UBR4: variants seen among roughly 807,000 people sequenced by gnomAD.
UBR4 encodes the protein ubiquitin protein ligase E3 component n-recognin 4, also known as E3 ubiquitin-protein ligase UBR4.
In UBR4, 124 loss-of-function variants were observed where a neutral mutation model predicts 575.6. The ratio of observed to expected loss-of-function variants is 0.22; its 90% CI spans 0.19 to 0.25. The LOEUF is 0.25. Ranked by LOEUF, UBR4 falls within the 10% of genes least tolerant of loss-of-function variation. UBR4 has a pLI of 1.00. For synonymous variants in UBR4, 2,455 were observed against 2,473.7 expected, an observed-to-expected ratio of 0.99 and a Z score of 0.22; for missense variants, 4,818 against 6,478.8, an observed-to-expected ratio of 0.74 and a Z score of 8.80.
chr1:19,162,345 C>T (rs1999967), intron 35 of UBR4, 75 bp downstream of exon 35: 1 of 1,505,640 alleles, frequency 6.6e-7, no homozygotes, highest in Middle Eastern at 2.5e-4. Flanking sequence ...GGCTGGAAAA[C>T]AGAGCCAAAA....
At chr1:19,195,476 C>T (rs1477740437) in intron 8 of UBR4, among the ~76,000 whole-genome samples, 3 of 152,078 alleles carry the variant, frequency 2.0e-5, no homozygotes, top group Non-Finnish European at 4.4e-5. Context: ...TAAAGAATCT[C>T]TAGTCCTTAC....
chr1:19,153,952 A>C lies in UBR4; in HGVS notation c.6459-13T>G. The C allele has an allele frequency of 6.2e-7, 1 of 1,611,350 alleles. No individual in the cohort carries two copies. Among genetic ancestry groups the C allele is most frequent in the South Asian group, 1.1e-5 (1 of 90,584 alleles). ...GCCACCATTGGAACTGCAGACAACA[A>C]AACTGGCCACAGTTAGAGTGTCAGT... On this transcript the variant is annotated splice_polypyrimidine_tract_variant and intron_variant, in intron 44 of 105. Coordinates refer to ENST00000375254, the MANE Select transcript of UBR4 (RefSeq NM_020765.3). This position sits in a 1 kb window ranked among gnomAD's most constrained non-coding sequence, Gnocchi z 4.1.
chr1:19,160,291 A>T lies in UBR4; in HGVS notation c.5407-10T>A. The T allele has an allele frequency of 6.3e-7, 1 of 1,588,872 alleles. No homozygotes were observed. Among genetic ancestry groups the T allele is most frequent in the Non-Finnish European group, 8.6e-7 (1 of 1,169,328 alleles). ...CGAAGGAGAAATTGGCCTGAGAAAA[A>T]TAGAAAAAATACACCAGTGAAAAAA... On this transcript the variant is annotated splice_polypyrimidine_tract_variant and intron_variant, in intron 38 of 105. Transcript: ENST00000375254.
chr1:19,082,849 G>C (rs1382907735), intron 102 of UBR4, among the ~76,000 whole-genome samples: 1 of 152,150 alleles, frequency 6.6e-6, no homozygotes, highest in African/African-American at 2.4e-5. Flanking sequence ...TCTGGCTTAC[G>C]GTGGCCATGC....
intron 39 of UBR4, 78 bp downstream of exon 39, chr1:19,160,033 G>A (rs1016425521): frequency 3.9e-6 from 6 of 1,551,372 alleles, no homozygotes; most frequent in Non-Finnish European, 5.2e-6. Context: ...ACTCCTCAGA[G>A]CATCTAGCAC....
Position 19,176,787 on chromosome 1 carries a change from T to C in UBR4, c.2638-60A>G, listed in dbSNP as rs531351175. ...ACACAGTCACCATTCAGCTTTTCACTCAGGCATGATAATAGCTCGGTACAC... is the reference window on the plus strand; with the variant it reads ...ACACAGTCACCATTCAGCTTTTCACCCAGGCATGATAATAGCTCGGTACAC... On this transcript the variant is annotated intron_variant, in intron 19 of 105. Transcript: ENST00000375254. The C allele has an allele frequency of 1.0e-3, 1,623 of 1,580,626 alleles. 2 individuals are homozygous for C. The highest frequency in any genetic ancestry group is 1.2e-3 in the Non-Finnish European group (1,445 of 1,156,530).
At position 19,197,828 on chromosome 1, in the gene UBR4, C is replaced by T; in HGVS notation, c.752-17G>A. 1 of 1,613,774 alleles carries T rather than the reference C, an allele frequency of 6.2e-7. No individual in the cohort carries two copies. The highest frequency in any genetic ancestry group is 8.5e-7 in the Non-Finnish European group (1 of 1,179,842). On this transcript the variant is annotated splice_polypyrimidine_tract_variant and intron_variant, in intron 6 of 105. Coordinates refer to ENST00000375254, the MANE Select transcript of UBR4 (RefSeq NM_020765.3). Reference sequence around the variant, plus strand: ...CCGAGCCACCTAAATGAATGAAAACCACAACCTTACAAACAGGCCTTTGTC... The same window carrying T: ...CCGAGCCACCTAAATGAATGAAAACTACAACCTTACAAACAGGCCTTTGTC...
At position 19,193,413 on chromosome 1, in the gene UBR4, T is replaced by A. The variant is rs747702127; in HGVS notation, c.1143+20A>T. 2.5e-6 allele frequency: 4 copies of A among 1,612,004 alleles called. No individual in the cohort carries two copies. The African/African-American group carries it at 5.3e-5, about 22-fold the overall frequency. ...CATTTGAACAATCAAGGTTCCCTTA[T>A]CCCCAGATCTTTGGCTTACACATTT... is the stretch of plus-strand genomic sequence containing the variant. On this transcript the variant is annotated intron_variant, in intron 9 of 105. Transcript: ENST00000375254.
intron 29 of UBR4, 100 bp from the exon 30 acceptor site, chr1:19,165,857 T>G (rs2088273761): frequency 1.0e-6 from 1 of 1,000,146 alleles, no homozygotes; most frequent in Non-Finnish European, 1.4e-6. Flanking sequence ...TGTTTGACCT[T>G]GAGGGCAATG....
intron 11 of UBR4, among the ~76,000 whole-genome samples, chr1:19,189,289 T>C (rs2091849812): frequency 6.6e-6 from 1 of 152,238 alleles, no homozygotes; most frequent in African/African-American, 2.4e-5. Flanking sequence ...TTTCCAATGT[T>C]TAAATATGTG....
chr1:19,151,963 A>G (rs1235137456), intron 47 of UBR4, 104 bp from the exon 48 acceptor site: 1 of 1,109,822 alleles, frequency 9.0e-7, no homozygotes, highest in East Asian at 2.6e-5. Flanking sequence ...GCTCATTAAA[A>G]CTTATCCTTT....
intron 68 of UBR4, 40 bp from the exon 69 acceptor site, chr1:19,120,388 A>C: frequency 6.2e-7 from 1 of 1,603,208 alleles, no homozygotes; most frequent in East Asian, 2.2e-5. Flanking sequence ...AAGAGTAGGA[A>C]GAAGTCCTCC....
chr1:19,102,504 A>G (rs1182447332), intron 87 of UBR4, among the ~76,000 whole-genome samples: 2 of 152,218 alleles, frequency 1.3e-5, no homozygotes, highest in African/African-American at 2.4e-5. Context: ...ATTTTGGGCA[A>G]TAAGGCAAAC....
chr1:19,193,805 T>C (rs1158437967), intron 8 of UBR4, among the ~76,000 whole-genome samples: 1 of 151,898 alleles, frequency 6.6e-6, no homozygotes, highest in African/African-American at 2.4e-5. Context: ...TGTCCTTCAA[T>C]AGGAGAACAC....
rs2080061347 is a variant in UBR4 at position 19,112,944 on chromosome 1, G to C, written c.11458-77C>G. On this transcript the variant is annotated intron_variant, in intron 77 of 105. Transcript: ENST00000375254. ...GGATGTTAATTAGAAAATTAGTTTT[G>C]CTTTAGAAAAAACTTTACATGCATT... 6.1e-6 allele frequency: 9 copies of C among 1,466,248 alleles called. No homozygotes were observed. The East Asian group carries it at 6.9e-5, about 11-fold the overall frequency. 90.8% of individuals were successfully genotyped at this position (1,466,248 alleles called of 1,614,324 possible).
At chr1:19,204,793 T>C (rs368591880) in intron 1 of UBR4, among the ~76,000 whole-genome samples, 3 of 152,106 alleles carry the variant, frequency 2.0e-5, no homozygotes, top group East Asian at 1.9e-4. Context: ...AAGGAGGAAA[T>C]AGAGAAGTAA....
intron 88 of UBR4, 95 bp downstream of exon 88, chr1:19,101,425 C>T: frequency 6.8e-7 from 1 of 1,462,536 alleles, no homozygotes; most frequent in Admixed American, 2.0e-5. Flanking sequence ...ACAGCTGGTA[C>T]AATTCCCCAT....
In UBR4 at chr1:19,128,249, G is replaced by A; in HGVS notation, c.9073C>T (p.Leu3025Phe). 6.2e-7 allele frequency: 1 copy of A among 1,614,078 alleles called. No individual in the cohort carries two copies. Among genetic ancestry groups the A allele is most frequent in the South Asian group, 1.1e-5 (1 of 91,072 alleles). The change falls in exon 62 of 106, where the codon CTC becomes TTC. Residue 3025 changes from leucine to phenylalanine, a missense_variant. By Grantham distance (22) the Leu-to-Phe change is conservative (BLOSUM62 0). Transcript: ENST00000375254. ...CCCAACTCAGCAATAAGCTGGGAGA[G>A]CAGGTTGTCTAGGGCCCCCTTGTCT... ...EKDKGALDNL[L>F]SQLIAELGMD... is the part of the protein sequence containing the mutation.
intron 32 of UBR4, 130 bp downstream of exon 32, chr1:19,164,669 T>C: frequency 7.8e-7 from 1 of 1,275,918 alleles, no homozygotes; most frequent in South Asian, 1.4e-5. Context: ...CTAGAATCCT[T>C]GAGTCTAGAG....
Sources: allele counts gnomAD v4.1 joint callset (sites outside exome capture counted in the v4.1 genomes callset), GRCh38; gene constraint gnomAD v4.1.1; non-coding constraint Gnocchi (gnomAD v3.1); transcripts MANE v1.5; gene names NCBI Gene and HGNC (gene_info 2026-07-23, HGNC 2026-07-21).